HSD17B12: variants seen among roughly 807,000 people sequenced by gnomAD.
HSD17B12 encodes the protein very-long-chain 3-oxoacyl-CoA reductase.
In HSD17B12, 32 loss-of-function variants were observed where a neutral mutation model predicts 39.3. That is an observed-to-expected ratio of 0.81 (90% confidence interval 0.61 to 1.09). The LOEUF (loss-of-function observed/expected upper bound fraction) is 1.09, where lower values mean the gene tolerates loss of function less well. HSD17B12 is among the 50% of genes least tolerant of loss of function. The probability of loss-of-function intolerance (pLI) is 0.00; values close to 1 mark genes in which losing one functional copy is unlikely to be tolerated. For synonymous variants in HSD17B12, 150 were observed against 146.7 expected (o/e 1.02, Z -0.16); for missense variants, 342 against 382.9 (o/e 0.89, Z 0.89).
At chr11:43,796,403 T>G (rs1020887405) in intron 3 of HSD17B12, among the ~76,000 whole-genome samples, 1 of 152,170 alleles carries the variant, frequency 6.6e-6, no homozygotes, top group African/African-American at 2.4e-5. Context: ...AAAAGTTGTT[T>G]TTTAAAAAAG....
chr11:43,604,324 T>C, the HSD17B12 span, among the ~76,000 whole-genome samples: 1 of 152,232 alleles, frequency 6.6e-6, no homozygotes, highest in African/African-American at 2.4e-5. Context: ...TAATTTTCAG[T>C]TAAGCTAGAT....
intron 1 of HSD17B12, chr11:43,733,853 C>T: frequency 1.5e-6 from 1 of 678,666 alleles, no homozygotes. Context: ...AATGTGGATG[C>T]TGGGCACAGA....
chr11:43,763,072 T>C (rs765854239), intron 3 of HSD17B12, among the ~76,000 whole-genome samples: 1 of 152,220 alleles, frequency 6.6e-6, no homozygotes, highest in African/African-American at 2.4e-5. Flanking sequence ...CCTTGCTCAG[T>C]AGTGCTGCAT....
chr11:43,760,474 G>A (rs758570422), intron 3 of HSD17B12, among the ~76,000 whole-genome samples: 1 of 152,176 alleles, frequency 6.6e-6, no homozygotes, highest in Non-Finnish European at 1.5e-5. Context: ...ATCTCAGGGT[G>A]TAAAGCTTTT....
At chr11:43,739,320 G>A (rs147843758) in intron 1 of HSD17B12, among the ~76,000 whole-genome samples, 18 of 152,194 alleles carry the variant, frequency 1.2e-4, no homozygotes, top group African/African-American at 3.9e-4. Context: ...GAGATGAGAC[G>A]GTTTAACTGA....
chr11:43,575,147 G>A, the HSD17B12 span, among the ~76,000 whole-genome samples: 2 of 152,222 alleles, frequency 1.3e-5, no homozygotes, highest in Non-Finnish European at 2.9e-5. The surrounding 1 kb of genome is among the most constrained non-coding windows in gnomAD (Gnocchi z 4.1). Flanking sequence ...TTTAATTGCA[G>A]GCTTATTTGT....
At chr11:43,679,581 A>G (rs1949721511), upstream of HSD17B12, among the ~76,000 whole-genome samples, 1 of 152,106 alleles carries the variant, frequency 6.6e-6, no homozygotes, top group African/African-American at 2.4e-5. Context: ...TGCCCCCTGG[A>G]AATACCACTC....
chr11:43,785,575 T>C (rs990300772), intron 3 of HSD17B12, among the ~76,000 whole-genome samples: 1 of 152,182 alleles, frequency 6.6e-6, no homozygotes, highest in Non-Finnish European at 1.5e-5. Flanking sequence ...TGCTGCAATT[T>C]GTTATTTTGG....
the HSD17B12 span, among the ~76,000 whole-genome samples, chr11:43,625,831 A>G: frequency 2.6e-5 from 4 of 151,422 alleles, no homozygotes; most frequent in Non-Finnish European, 5.9e-5. Context: ...AAAACCCAAC[A>G]TGATTCTTTA....
intron 3 of HSD17B12, among the ~76,000 whole-genome samples, chr11:43,760,897 T>C (rs1233761076): frequency 2.6e-5 from 4 of 152,226 alleles, no homozygotes; most frequent in Non-Finnish European, 5.9e-5. Flanking sequence ...GAAATATCTT[T>C]GTTGCTCGTA....
At chr11:43,647,599 G>T in the HSD17B12 span, among the ~76,000 whole-genome samples, 1 of 151,974 alleles carries the variant, frequency 6.6e-6, no homozygotes, top group Non-Finnish European at 1.5e-5. Context: ...ATGCATTTCT[G>T]CATTTGTGAA....
At chr11:43,678,055 T>A (rs1644001172), upstream of HSD17B12, among the ~76,000 whole-genome samples, 1 of 152,244 alleles carries the variant, frequency 6.6e-6, no homozygotes, top group Non-Finnish European at 1.5e-5. Flanking sequence ...ACCAACAGTG[T>A]AAAAGTGTTC....
chr11:43,769,820 C>T (rs981340892), intron 3 of HSD17B12, among the ~76,000 whole-genome samples: 1 of 152,180 alleles, frequency 6.6e-6, no homozygotes, highest in African/African-American at 2.4e-5. Flanking sequence ...ATGTGTGAGT[C>T]TCTAGCTTTC....
At position 43,854,777 on chromosome 11, in the gene HSD17B12, G is replaced by A. The variant is rs1951565821; in HGVS notation, c.747G>A (p.Lys249=). The change falls in exon 10 of 11, where the codon AAG becomes AAA. Residue 249 remains lysine (K), a synonymous_variant. Transcript: ENST00000278353. ...LAKIRKPTLD[K]PSPETFVKSA... ...AAATCCGGAAGCCAACTTTGGATAA[G>A]CCCTCTCCGGAGACGTTTGTGAAGT... 1 of 1,614,156 alleles carries A rather than the reference G, an allele frequency of 6.2e-7. No individual in the cohort carries two copies. The highest frequency in any genetic ancestry group is 8.5e-7 in the Non-Finnish European group (1 of 1,180,008).
At chr11:43,782,768 T>C (rs576457401) in intron 3 of HSD17B12, among the ~76,000 whole-genome samples, 5 of 152,224 alleles carry the variant, frequency 3.3e-5, no homozygotes, top group African/African-American at 1.2e-4. Flanking sequence ...GGATTTAATG[T>C]AGTCTTAAAG....
At chr11:43,659,791 A>G in the HSD17B12 span, among the ~76,000 whole-genome samples, 1 of 152,210 alleles carries the variant, frequency 6.6e-6, no homozygotes, top group South Asian at 2.1e-4. Flanking sequence ...AATATGAGCA[A>G]AACCTTTCTT....
At chr11:43,733,136 T>C (rs1950284772) in intron 1 of HSD17B12, among the ~76,000 whole-genome samples, 1 of 152,244 alleles carries the variant, frequency 6.6e-6, no homozygotes, top group Non-Finnish European at 1.5e-5. Context: ...ATCAGATTAA[T>C]GAGGAATCCA....
chr11:43,677,085 G>A (rs1048356125), upstream of HSD17B12, among the ~76,000 whole-genome samples: 1 of 152,114 alleles, frequency 6.6e-6, no homozygotes, highest in Non-Finnish European at 1.5e-5. Context: ...ATGTCAGCTC[G>A]ACTCACATGG....
At chr11:43,784,928 C>T (rs1290544419) in intron 3 of HSD17B12, among the ~76,000 whole-genome samples, 2 of 152,064 alleles carry the variant, frequency 1.3e-5, no homozygotes, top group Non-Finnish European at 2.9e-5. Context: ...GACACTGGAA[C>T]TTGTGAGCAT....
Sources: allele counts gnomAD v4.1 joint callset (sites outside exome capture counted in the v4.1 genomes callset), GRCh38; gene constraint gnomAD v4.1.1; non-coding constraint Gnocchi (gnomAD v3.1); transcripts MANE v1.5; gene names NCBI Gene and HGNC (gene_info 2026-07-23, HGNC 2026-07-21).